Variants in KANK1 observed in about 807,000 individuals in gnomAD.
KANK1 encodes the protein KN motif and ankyrin repeat domains 1.
In KANK1, 109 loss-of-function variants were observed where a neutral mutation model predicts 106.2. The observed-to-expected ratio is 1.03, with a 90% CI of 0.88 to 1.20. The LOEUF is 1.20. Among genes scored for constraint, KANK1 ranks in the 50% most tolerant of loss-of-function variants. The probability of loss-of-function intolerance (pLI) is 0.00; values close to 1 mark genes in which losing one functional copy is unlikely to be tolerated. For missense variants in KANK1, 2,399 were observed against 1,710.7 expected (o/e 1.40, Z -7.10); for synonymous variants, 873 against 652.2 (o/e 1.34, Z -5.16).
chr9:633,554 C>T lies in KANK1; in HGVS notation c.-83-43336C>T, dbSNP rs1411512827. Reference sequence around the variant, plus strand: ...CTTCTCCCAAGACTCTTAATGTAGTCTGTCTGTCCATAGCATTGTATCCAG... The same window carrying T: ...CTTCTCCCAAGACTCTTAATGTAGTTTGTCTGTCCATAGCATTGTATCCAG... On this transcript the variant is annotated intron_variant, in intron 1 of 11. Coordinates refer to ENST00000382297, the MANE Select transcript of KANK1 (RefSeq NM_015158.5). Among the ~76,000 whole-genome samples, 5 of 152,332 alleles carry T rather than the reference C, an allele frequency of 3.3e-5. No homozygotes were observed. In the East Asian group the frequency reaches 9.6e-4, roughly 29 times the overall value.
chr9:558,002 CAAAAA>C (rs397708884), intron 1 of KANK1, among the ~76,000 whole-genome samples: 4 of 151,650 alleles, frequency 2.6e-5, no homozygotes, highest in Non-Finnish European at 5.9e-5. Context: ...AAGACTCTCT[CAAAAA>C]ACAAACAAAC....
rs564740587 is a variant in KANK1, at chr9:648,983, T to C, written c.-83-27907T>C. Among the ~76,000 whole-genome samples, 96 of 152,288 alleles carry C rather than the reference T, an allele frequency of 6.3e-4. 1 individual carries two copies. Among genetic ancestry groups the C allele is most frequent in the African/African-American group, 2.3e-3 (94 of 41,542 alleles). On this transcript the variant is annotated intron_variant, in intron 1 of 11. Transcript: ENST00000382297. The stretch of plus-strand genomic sequence containing the variant: ...GGAGACTCTCATTCCAGAAATCATT[T>C]TGTTGGCATTTATACTAAGTGGCGA...
chr9:510,391 A>G (rs1257015886), intron 1 of KANK1, among the ~76,000 whole-genome samples: 1 of 152,244 alleles, frequency 6.6e-6, no homozygotes, highest in Non-Finnish European at 1.5e-5. Context: ...TAAAAATACC[A>G]GTTAGGCAAA....
intron 2 of KANK1, chr9:471,336 C>T (rs1379772857): frequency 6.6e-6 from 1 of 152,466 alleles, no homozygotes; most frequent in East Asian, 1.9e-4. Context: ...GGTAAGGACA[C>T]TAGACTGAGG....
intron 1 of KANK1, chr9:540,572 A>G (rs2060542604): frequency 6.6e-6 from 1 of 152,210 alleles, no homozygotes; most frequent in South Asian, 2.1e-4. Flanking sequence ...GTTGTTGGAA[A>G]GAGTTTAAGA....
intron 2 of KANK1, among the ~76,000 whole-genome samples, chr9:703,101 C>T (rs1823100788): frequency 6.6e-6 from 1 of 152,122 alleles, no homozygotes; most frequent in Admixed American, 6.5e-5. Flanking sequence ...AAGCGATTCT[C>T]CTGCCTCAGC....
chr9:674,837 G>A (rs564677338), intron 1 of KANK1, among the ~76,000 whole-genome samples: 26 of 152,104 alleles, frequency 1.7e-4, no homozygotes, highest in African/African-American at 6.0e-4. Flanking sequence ...CCGAGTAGCT[G>A]GGATTACAGG....
intron 1 of KANK1, among the ~76,000 whole-genome samples, chr9:529,892 C>G (rs1410403797): frequency 6.6e-6 from 1 of 152,190 alleles, no homozygotes; most frequent in Non-Finnish European, 1.5e-5. Context: ...AACTTATGCT[C>G]TCACAGGCAA....
At chr9:725,824 CACTT>C (rs748635963) in intron 3 of KANK1, among the ~76,000 whole-genome samples, 1 of 152,178 alleles carries the variant, frequency 6.6e-6, no homozygotes, top group Non-Finnish European at 1.5e-5. Flanking sequence ...ATACAATCAA[CACTT>C]AAGCTGCTTT....
chr9:507,367 G>A (rs1488997063), intron 1 of KANK1, among the ~76,000 whole-genome samples: 1 of 151,878 alleles, frequency 6.6e-6, no homozygotes, highest in Non-Finnish European at 1.5e-5. Context: ...AACAAGATGA[G>A]CTGTACCATA....
At chr9:745,060 T>G in intron 11 of KANK1, 113 bp from the exon 12 acceptor site, 1 of 1,532,970 alleles carries the variant, frequency 6.5e-7, no homozygotes, top group South Asian at 1.3e-5. Context: ...CTCTCCTGGC[T>G]CGGGCTCACA....
chr9:572,150 ATTTTTTT>A (rs35843652), intron 1 of KANK1, among the ~76,000 whole-genome samples: 2 of 111,340 alleles, frequency 1.8e-5, no homozygotes, highest in African/African-American at 3.3e-5. Context: ...ATAAACAGTG[ATTTTTTT>A]TTTTTTTTTT....
Position 711,349 on chromosome 9 carries a change from T to A in KANK1, c.583T>A (p.Ser195Thr). 6.2e-7 allele frequency: 1 copy of A among 1,613,926 alleles called. No homozygotes were observed. The highest frequency in any genetic ancestry group is 8.5e-7 in the Non-Finnish European group (1 of 1,179,998). The change falls in exon 3 of 12, where the codon TCC becomes ACC. Residue 195 changes from serine (S) to threonine (T), a missense_variant. Ser to Thr is a moderately conservative substitution (Grantham distance 58). Coordinates refer to ENST00000382297, the MANE Select transcript of KANK1 (RefSeq NM_015158.5). ...ASFGGMGTTSSLPSFVGSGNH... is the reference protein window; with the variant it reads ...ASFGGMGTTSTLPSFVGSGNH... ...TTTTGGAGGCATGGGCACCACAAGC[T>A]CCCTCCCTTCTTTTGTGGGTTCTGG... is the stretch of plus-strand genomic sequence containing the variant.
intron 3 of KANK1, among the ~76,000 whole-genome samples, chr9:726,325 C>A (rs1454967264): frequency 6.6e-6 from 1 of 152,122 alleles, no homozygotes; most frequent in Non-Finnish European, 1.5e-5. Flanking sequence ...GCCCATTGAT[C>A]TTTTCTAGTT....
At position 711,744 on chromosome 9, in the gene KANK1, G is replaced by C. The variant is rs752770641; in HGVS notation, c.978G>C (p.Ala326=). ...GTGTGAGGAAGCGGTCCTATAGTGC[G>C]GGGAACGCCTCCCAGCTGGAACAGC... is the stretch of plus-strand genomic sequence containing the variant. ...VCGVRKRSYS[A]GNASQLEQLS... is the part of the protein sequence containing the mutation. The change falls in exon 3 of 12, where the codon GCG becomes GCC. Residue 326 remains alanine (A), a synonymous_variant. Coordinates refer to ENST00000382297, the MANE Select transcript of KANK1 (RefSeq NM_015158.5). 6.2e-7 allele frequency: 1 copy of C among 1,614,192 alleles called. No individual in the cohort carries two copies. Among genetic ancestry groups the C allele is most frequent in the African/African-American group, 1.3e-5 (1 of 75,052 alleles).
intron 2 of KANK1, among the ~76,000 whole-genome samples, chr9:686,407 T>G (rs1340600479): frequency 2.0e-5 from 3 of 152,186 alleles, no homozygotes; most frequent in Non-Finnish European, 4.4e-5. Context: ...AAGTACCTGC[T>G]GAGCTTATGC....
At chr9:608,303 C>A (rs896229341) in intron 1 of KANK1, among the ~76,000 whole-genome samples, 4 of 151,580 alleles carry the variant, frequency 2.6e-5, no homozygotes, top group Non-Finnish European at 5.9e-5. Context: ...TCCCAAAGTG[C>A]TGGGATTACA....
At chr9:610,942 A>T (rs1010121141) in intron 1 of KANK1, among the ~76,000 whole-genome samples, 1 of 152,204 alleles carries the variant, frequency 6.6e-6, no homozygotes, top group East Asian at 1.9e-4. Context: ...TAGAAGAAGA[A>T]TGAAATGGTA....
chr9:689,956 C>T (rs1819474920), intron 2 of KANK1, among the ~76,000 whole-genome samples: 1 of 151,656 alleles, frequency 6.6e-6, no homozygotes, highest in Admixed American at 6.6e-5. Flanking sequence ...GATTGTTGTC[C>T]TTGGGTTTTG....
Sources: allele counts gnomAD v4.1 joint callset (sites outside exome capture counted in the v4.1 genomes callset), GRCh38; gene constraint gnomAD v4.1.1; transcripts MANE v1.5; gene names NCBI Gene and HGNC (gene_info 2026-07-23, HGNC 2026-07-21).